NELL2: variants seen among roughly 807,000 people sequenced by gnomAD.
The protein encoded by NELL2 is neural EGFL like 2, also known as protein kinase C-binding protein NELL2.
In NELL2, 41 loss-of-function variants were observed where a neutral mutation model predicts 109.6. The observed-to-expected ratio is 0.37, with a 90% CI of 0.29 to 0.49. The LOEUF is 0.49. Among genes scored for constraint, NELL2 ranks in the 20% least tolerant of loss-of-function variants. The pLI is 0.98. For missense variants in NELL2, 900 were observed against 1,008.3 expected (o/e 0.89, Z 1.45); for synonymous variants, 355 against 344.7 (o/e 1.03, Z -0.33).
intron 15 of NELL2, among the ~76,000 whole-genome samples, chr12:44,557,116 T>C (rs750802269): frequency 1.9e-4 from 29 of 152,186 alleles, no homozygotes; most frequent in Non-Finnish European, 3.8e-4. Flanking sequence ...CCACACATCC[T>C]TTCTCGTTCT....
chr12:44,631,824 T>C (rs1002861928), intron 13 of NELL2, among the ~76,000 whole-genome samples: 1 of 152,116 alleles, frequency 6.6e-6, no homozygotes, highest in Non-Finnish European at 1.5e-5. Context: ...TCTCAACTTA[T>C]TCTGTCAGGG....
chr12:44,876,954 T>C, upstream of NELL2: 1 of 1,148,684 alleles, frequency 8.7e-7, no homozygotes, highest in Non-Finnish European at 1.1e-6. Flanking sequence ...GCGGAGAGCT[T>C]CCCGGGCGCG....
At chr12:44,848,903 G>A (rs1006038343) in intron 2 of NELL2, among the ~76,000 whole-genome samples, 3 of 152,146 alleles carry the variant, frequency 2.0e-5, no homozygotes, top group Admixed American at 2.0e-4. Context: ...ATAGCTCTAA[G>A]TGACACCTTT....
intron 1 of NELL2, among the ~76,000 whole-genome samples, chr12:44,890,830 A>T (rs1269067045): frequency 6.6e-6 from 1 of 152,036 alleles, no homozygotes; most frequent in African/African-American, 2.4e-5. Flanking sequence ...TCCTGGGTTC[A>T]AGCGATTCTC....
At chr12:44,702,882 A>C (rs989452365) in intron 12 of NELL2, among the ~76,000 whole-genome samples, 14 of 152,234 alleles carry the variant, frequency 9.2e-5, no homozygotes, top group African/African-American at 3.4e-4. Flanking sequence ...ATCATCCTGC[A>C]GCTAAACAGA....
At chr12:44,643,390 T>G (rs1741509368) in intron 13 of NELL2, among the ~76,000 whole-genome samples, 1 of 152,170 alleles carries the variant, frequency 6.6e-6, no homozygotes, top group Non-Finnish European at 1.5e-5. Flanking sequence ...AAAAACATTA[T>G]GATAGTATAA....
intron 15 of NELL2, among the ~76,000 whole-genome samples, chr12:44,552,892 CTG>C (rs996099385): frequency 9.2e-5 from 14 of 152,052 alleles, no homozygotes; most frequent in Admixed American, 7.9e-4. Flanking sequence ...ACTCTCATCT[CTG>C]AGATTTTATT....
intron 2 of NELL2, among the ~76,000 whole-genome samples, chr12:44,818,722 CTTATTTTTTTTTTT>C (rs1235856511): frequency 9.5e-6 from 1 of 104,888 alleles, no homozygotes. Context: ...ATTTTGTTCA[CTTATTTTTTTTTTT>C]TTATTTTTTT....
chr12:44,852,983 C>T (rs1944577145), intron 2 of NELL2, among the ~76,000 whole-genome samples: 1 of 152,074 alleles, frequency 6.6e-6, no homozygotes, highest in African/African-American at 2.4e-5. Flanking sequence ...ACATCAGAGG[C>T]TTAGTGTCTT....
chr12:44,544,101 A>C (rs10785501), intron 15 of NELL2, among the ~76,000 whole-genome samples: 93,853 of 151,562 alleles, frequency 0.62, 29,275 homozygotes, highest in East Asian at 0.72. Flanking sequence ...AGGGAGGAAT[A>C]AAAAAAAACC....
intron 2 of NELL2, among the ~76,000 whole-genome samples, chr12:44,855,271 A>G (rs991793059): frequency 2.6e-5 from 4 of 152,202 alleles, no homozygotes; most frequent in African/African-American, 9.6e-5. Context: ...CTTCTTAAAA[A>G]TATAGATTCC....
intron 2 of NELL2, among the ~76,000 whole-genome samples, chr12:44,832,844 TG>T (rs1943928216): frequency 6.6e-6 from 1 of 152,236 alleles, no homozygotes; most frequent in African/African-American, 2.4e-5. Flanking sequence ...TGTAGCTCTA[TG>T]AAAAGAACTT....
At chr12:44,588,717 T>A (rs554551357) in intron 15 of NELL2, among the ~76,000 whole-genome samples, 1 of 152,334 alleles carries the variant, frequency 6.6e-6, no homozygotes, top group African/African-American at 2.4e-5. Flanking sequence ...ATATTCAAAA[T>A]TTTCAATTTT....
chr12:44,539,384 G>T (rs1425663676), intron 15 of NELL2, among the ~76,000 whole-genome samples: 2 of 152,020 alleles, frequency 1.3e-5, no homozygotes, highest in East Asian at 3.9e-4. Context: ...TTGGCGGGGG[G>T]GATGCCTTCA....
rs1275172692 is a variant in NELL2 at position 44,623,132 on chromosome 12, C to G, written c.1445-12162G>C. 2.0e-5 allele frequency among the ~76,000 whole-genome samples: 3 copies of G among 152,056 alleles called. No individual in the cohort carries two copies. The South Asian group carries it at 6.2e-4, about 32-fold the overall frequency. ...GCTTAAATTAGAGTTGTGGTCGTTA[C>G]AAGATGAGTAAGGCAGAATTCTCAT... is the stretch of plus-strand genomic sequence containing the variant. On this transcript the variant is annotated intron_variant, in intron 13 of 19. Coordinates refer to ENST00000429094, the MANE Select transcript of NELL2 (RefSeq NM_001145108.2).
chr12:44,707,626 A>C (rs542689205), intron 11 of NELL2, among the ~76,000 whole-genome samples: 101 of 152,158 alleles, frequency 6.6e-4, no homozygotes, highest in Non-Finnish European at 1.2e-3. Context: ...GTGTTTCCTA[A>C]AGTGTAACTC....
chr12:44,528,407 CATTA>C (rs1014371165), intron 16 of NELL2, among the ~76,000 whole-genome samples: 18 of 152,168 alleles, frequency 1.2e-4, no homozygotes, highest in Middle Eastern at 3.4e-3. Context: ...CTCGTGAATG[CATTA>C]ATTATGTTTT....
At chr12:44,828,266 C>A (rs1236855928) in intron 2 of NELL2, among the ~76,000 whole-genome samples, 1 of 151,994 alleles carries the variant, frequency 6.6e-6, no homozygotes, top group Non-Finnish European at 1.5e-5. Context: ...ATTCTGCACC[C>A]AAACCCACAT....
chr12:44,766,087 G>GAAA (rs572286226), intron 9 of NELL2, among the ~76,000 whole-genome samples: 1 of 112,772 alleles, frequency 8.9e-6, no homozygotes, highest in Non-Finnish European at 1.9e-5. Context: ...CTCCGTATCA[G>GAAA]AAAAAAAAAA....
Sources: gnomAD v4.1 joint callset for allele counts (sites outside exome capture counted in the v4.1 genomes callset) on GRCh38, gnomAD v4.1.1 for gene constraint, MANE v1.5 for transcripts, NCBI Gene and HGNC (gene_info 2026-07-23, HGNC 2026-07-21) for gene names.